The following DNAJC25 variants were observed in gnomAD, a reference collection of about 807,000 sequenced individuals.
DNAJC25 encodes DnaJ heat shock protein family (Hsp40) member C25, also known as dnaJ homolog subfamily C member 25.
In DNAJC25, 26 loss-of-function variants were observed where a neutral mutation model predicts 42.1. That is an observed-to-expected ratio of 0.62 (90% CI 0.45 to 0.86). The LOEUF (loss-of-function observed/expected upper bound fraction) is 0.86. Ranked by LOEUF, DNAJC25 falls within the 40% of genes least tolerant of loss-of-function variation. The pLI, the probability that DNAJC25 is intolerant of heterozygous loss-of-function variation, is 0.00. For synonymous variants in DNAJC25, 189 were observed against 179.9 expected (o/e 1.05, Z -0.40); for missense variants, 404 against 459.4 (o/e 0.88, Z 1.10).
At chr9:111,646,102 T>C (rs1830564843) in intron 1 of DNAJC25, among the ~76,000 whole-genome samples, 1 of 152,238 alleles carries the variant, frequency 6.6e-6, no homozygotes, top group Non-Finnish European at 1.5e-5. Context: ...TAATGGTTTT[T>C]ATTATACTCA....
chr9:111,653,291 A>G lies in DNAJC25; in HGVS notation c.*69A>G. 2.9e-6 allele frequency: 4 copies of G among 1,397,274 alleles called. No individual in the cohort carries two copies. The highest frequency in any genetic ancestry group is 2.8e-6 in the Non-Finnish European group (3 of 1,064,584). The allele number at this position is 1,397,274 out of a possible 1,614,324, so 86.6% of individuals were successfully genotyped here. On this transcript the variant is annotated 3_prime_UTR_variant, in exon 4 of 4. Transcript: ENST00000313525. ...ATTTTCATAACTGAATTATTTTAGA[A>G]ATGTATCAATTGACTGCTGCTCAGC...
At chr9:111,641,632 G>T (rs1830468986) in intron 1 of DNAJC25, among the ~76,000 whole-genome samples, 3 of 140,328 alleles carry the variant, frequency 2.1e-5, no homozygotes, top group African/African-American at 2.7e-5. Context: ...AGGTGGGGGG[G>T]TCAGCCCCCC....
At chr9:111,643,564 G>A (rs1413554224) in intron 1 of DNAJC25, among the ~76,000 whole-genome samples, 4 of 152,168 alleles carry the variant, frequency 2.6e-5, no homozygotes, top group Non-Finnish European at 4.4e-5. Flanking sequence ...GGAACATTGT[G>A]TTGGAATAAC....
chr9:111,652,884 G>A (rs1199896750), intron 3 of DNAJC25, among the ~76,000 whole-genome samples: 1 of 151,850 alleles, frequency 6.6e-6, no homozygotes, highest in African/African-American at 2.4e-5. Flanking sequence ...GTTCTTTCAT[G>A]TTTAACACTG....
chr9:111,647,967 C>T (rs1378529691), intron 2 of DNAJC25, among the ~76,000 whole-genome samples: 5 of 151,900 alleles, frequency 3.3e-5, no homozygotes, highest in East Asian at 2.0e-4. Flanking sequence ...TTAGTAGAGA[C>T]GGGGTTTCAC....
chr9:111,639,100 C>G (rs552889875), intron 1 of DNAJC25, among the ~76,000 whole-genome samples: 48 of 152,266 alleles, frequency 3.2e-4, no homozygotes, highest in African/African-American at 9.9e-4. Context: ...AATCCCATTG[C>G]TAGTGTTTTT....
intron 3 of DNAJC25, 145 bp downstream of exon 3, chr9:111,650,068 A>G (rs921954440): frequency 1.1e-5 from 8 of 757,080 alleles, no homozygotes; most frequent in African/African-American, 1.8e-5. Flanking sequence ...TATTGAAAGT[A>G]GGACTCTATT....
At chr9:111,642,419 G>C (rs4560867) in intron 1 of DNAJC25, among the ~76,000 whole-genome samples, 3,004 of 134,858 alleles carry the variant, frequency 0.022, 22 homozygotes, top group African/African-American at 0.084. Context: ...CAGCATGCTC[G>C]TTAAGAGTCA....
intron 1 of DNAJC25, among the ~76,000 whole-genome samples, chr9:111,638,677 T>A (rs1045122383): frequency 6.6e-6 from 1 of 152,206 alleles, no homozygotes; most frequent in East Asian, 1.9e-4. Context: ...TTGATTCTTG[T>A]GTACCCCTTT....
chr9:111,644,916 T>C (rs192854180), intron 1 of DNAJC25, among the ~76,000 whole-genome samples: 8 of 152,334 alleles, frequency 5.3e-5, no homozygotes, highest in Non-Finnish European at 4.4e-5. Flanking sequence ...GTGATCCTTA[T>C]ATAGGTTTAC....
In DNAJC25 at chr9:111,649,920, T is replaced by C. The variant is rs776124571; in HGVS notation, c.957T>C (p.Tyr319=). The change falls in exon 3 of 4, where the codon TAT becomes TAC. Residue 319 remains tyrosine, a synonymous_variant. Transcript: ENST00000313525. ...GAGAGCTCTGGATCAAGGAGAATTATGAGGTGAGTAGTCACCCTGCTGTGA... is the reference window on the plus strand; with the variant it reads ...GAGAGCTCTGGATCAAGGAGAATTACGAGGTGAGTAGTCACCCTGCTGTGA... ...LKRELWIKEN[Y]EVYKQEQEEE... 1.3e-6 allele frequency: 2 copies of C among 1,567,132 alleles called. No homozygotes were observed. Among genetic ancestry groups the C allele is most frequent in the Admixed American group, 1.9e-5 (1 of 51,570 alleles).
At chr9:111,640,366 A>T (rs1830433831) in intron 1 of DNAJC25, among the ~76,000 whole-genome samples, 1 of 144,226 alleles carries the variant, frequency 6.9e-6, no homozygotes, top group Admixed American at 7.0e-5. Context: ...GGAAGTGAGG[A>T]GCGTCTCTGC....
intron 1 of DNAJC25, among the ~76,000 whole-genome samples, chr9:111,632,024 A>T (rs1830290906): frequency 6.6e-6 from 1 of 152,272 alleles, no homozygotes. Context: ...AAATATTTTA[A>T]TAACGTGCAT....
At chr9:111,652,543 C>CT (rs199787751) in intron 3 of DNAJC25, among the ~76,000 whole-genome samples, 16,102 of 134,480 alleles carry the variant, frequency 0.12, 1,394 homozygotes, top group East Asian at 0.41. Flanking sequence ...AGTACTAGTT[C>CT]TTTTTTTTTA....
intron 1 of DNAJC25, among the ~76,000 whole-genome samples, chr9:111,640,338 C>T (rs7389873): frequency 1.4e-5 from 2 of 145,766 alleles, no homozygotes; most frequent in African/African-American, 5.1e-5. Flanking sequence ...AGCCTCTGCC[C>T]GGCCGCCACC....
At chr9:111,639,587 T>C (rs1830413196) in intron 1 of DNAJC25, among the ~76,000 whole-genome samples, 1 of 150,974 alleles carries the variant, frequency 6.6e-6, no homozygotes, top group Non-Finnish European at 1.5e-5. Context: ...ATGAAATGGG[T>C]AGCAGTTAAT....
chr9:111,638,627 A>G (rs1196633260), intron 1 of DNAJC25, among the ~76,000 whole-genome samples: 3 of 151,976 alleles, frequency 2.0e-5, no homozygotes, highest in Non-Finnish European at 2.9e-5. Context: ...CTACGTAGTA[A>G]CTCTAATTAA....
intron 3 of DNAJC25, among the ~76,000 whole-genome samples, chr9:111,650,318 CAG>C (rs1401948118): frequency 7.8e-4 from 113 of 144,152 alleles, no homozygotes; most frequent in African/African-American, 2.7e-3. Context: ...AAAAAAACAA[CAG>C]AGTAAGACGT....
At chr9:111,642,606 T>TAAAA (rs1174062597) in intron 1 of DNAJC25, among the ~76,000 whole-genome samples, 831 of 27,924 alleles carry the variant, frequency 0.03, 3 homozygotes, top group East Asian at 0.11. Context: ...GAATTATCAA[T>TAAAA]AAATAAATAA....
Sources: gnomAD v4.1 joint callset for allele counts (sites outside exome capture counted in the v4.1 genomes callset) on GRCh38, gnomAD v4.1.1 for gene constraint, MANE v1.5 for transcripts, NCBI Gene and HGNC (gene_info 2026-07-23, HGNC 2026-07-21) for gene names.